The following MAST3 variants were observed in gnomAD, a reference collection of about 807,000 sequenced individuals.
The protein encoded by MAST3 is microtubule associated serine/threonine kinase 3.
MAST3 carries 43 observed loss-of-function variants against 127.0 expected under a neutral mutation model. The ratio of observed to expected loss-of-function variants is 0.34; its 90% CI spans 0.27 to 0.44. MAST3 has a LOEUF of 0.44. Among genes scored for constraint, MAST3 ranks in the 20% least tolerant of loss-of-function variants. The probability of loss-of-function intolerance (pLI) is 1.00; values close to 1 mark genes in which losing one functional copy is unlikely to be tolerated. For synonymous variants in MAST3, 785 were observed against 809.2 expected, an observed-to-expected ratio of 0.97 and a Z score of 0.51; for missense variants, 1,390 against 1,919.1, an observed-to-expected ratio of 0.72 and a Z score of 5.15.
At chr19:18,115,603 T>G (rs2039131618) in intron 3 of MAST3, among the ~76,000 whole-genome samples, 1 of 151,902 alleles carries the variant, frequency 6.6e-6, no homozygotes, top group East Asian at 1.9e-4. Flanking sequence ...TCTCTGGTGG[T>G]CTCAAAACCA....
intron 11 of MAST3, 73 bp downstream of exon 11, chr19:18,124,847 T>C (rs1359797079): frequency 3.3e-5 from 50 of 1,498,264 alleles, no homozygotes; most frequent in Non-Finnish European, 6.2e-6. Flanking sequence ...GGCTCACACC[T>C]TTAATACCAG....
chr19:18,103,785 G>T (rs191934213), intron 1 of MAST3, among the ~76,000 whole-genome samples: 7 of 152,254 alleles, frequency 4.6e-5, no homozygotes, highest in East Asian at 1.9e-4. Context: ...GTGCAGGAGT[G>T]GGGGAGCCAG....
chr19:18,123,820 C>A, intron 8 of MAST3, 119 bp from the exon 9 acceptor site: 1 of 1,087,178 alleles, frequency 9.2e-7, no homozygotes, highest in Non-Finnish European at 1.3e-6. Flanking sequence ...CCAGCCCTCC[C>A]ACCCGATCGC....
intron 3 of MAST3, among the ~76,000 whole-genome samples, chr19:18,116,617 T>C (rs2039290386): frequency 7.1e-6 from 1 of 141,744 alleles, no homozygotes; most frequent in Non-Finnish European, 1.5e-5. Context: ...CTCATTGAAT[T>C]GTTTCCTGTT....
At chr19:18,102,261 A>G (rs2146801475) in intron 1 of MAST3, among the ~76,000 whole-genome samples, 1 of 150,874 alleles carries the variant, frequency 6.6e-6, no homozygotes, top group East Asian at 2.0e-4. Flanking sequence ...GCTCACCGCA[A>G]CCTCTGCCCC....
chr19:18,127,603 C>T (rs1384626451), intron 11 of MAST3, among the ~76,000 whole-genome samples: 1 of 151,950 alleles, frequency 6.6e-6, no homozygotes, highest in Non-Finnish European at 1.5e-5. Context: ...AGAATCTCTT[C>T]AACTCAGGTG....
intron 11 of MAST3, 111 bp downstream of exon 11, chr19:18,124,885 C>G (rs943732396): frequency 7.4e-7 from 1 of 1,346,552 alleles, no homozygotes; most frequent in Non-Finnish European, 9.7e-7. Flanking sequence ...GCGGGCAGAT[C>G]ACTTGAGGCC....
intron 21 of MAST3, among the ~76,000 whole-genome samples, chr19:18,143,432 C>T (rs2042725235): frequency 6.6e-6 from 1 of 152,088 alleles, no homozygotes; most frequent in South Asian, 2.1e-4. Context: ...AAAAATTAGC[C>T]CAGTGTGGCG....
At chr19:18,147,137 TC>T in intron 26 of MAST3, 93 bp downstream of exon 26, 1 of 1,229,734 alleles carries the variant, frequency 8.1e-7, no homozygotes, top group Non-Finnish European at 1.1e-6. Flanking sequence ...AGAGTCTTGC[TC>T]TGTTGCCCAG....
chr19:18,126,752 T>G (rs1185774493), intron 11 of MAST3, among the ~76,000 whole-genome samples: 14 of 151,226 alleles, frequency 9.3e-5, no homozygotes, highest in East Asian at 2.0e-4. Context: ...CTGGGTGACA[T>G]AGCAAGACCC....
intron 1 of MAST3, among the ~76,000 whole-genome samples, chr19:18,106,520 A>G (rs999333730): frequency 6.6e-6 from 1 of 151,444 alleles, no homozygotes; most frequent in African/African-American, 2.4e-5. Context: ...TACAGGCATG[A>G]GCCACCGCAC....
intron 2 of MAST3, chr19:18,109,844 G>A (rs2038376425): frequency 1.4e-6 from 1 of 701,902 alleles, no homozygotes; most frequent in Admixed American, 6.3e-5. Flanking sequence ...GCGGGGTTGG[G>A]GAGTTGGGGC....
intron 15 of MAST3, among the ~76,000 whole-genome samples, chr19:18,132,982 A>G (rs2147435802): frequency 6.6e-6 from 1 of 152,268 alleles, no homozygotes; most frequent in South Asian, 2.1e-4. Context: ...GCGCACTTGT[A>G]GTCCCAGCTA....
At position 18,147,035 on chromosome 19, in the gene MAST3, CCAGGGAGCGGTACA is replaced by C. The variant is rs2043090114; in HGVS notation, c.3323_3326+10del. On this transcript the variant is annotated splice_donor_variant and splice_donor_5th_base_variant and coding_sequence_variant and intron_variant, in exon 26 of 28. Transcript: ENST00000687212. LOFTEE classifies it high-confidence loss of function. ...CAGGATCGGTGCGCGGCAGTGACCA[CCAGGGAGCGGTACA>C]CAGGGGGCGGGGCCACGGGGACTGG... The C allele has an allele frequency of 1.3e-6, 2 of 1,566,910 alleles. No individual in the cohort carries two copies. The highest frequency in any genetic ancestry group is 1.7e-6 in the Non-Finnish European group (2 of 1,155,938).
chr19:18,114,730 A>G, intron 3 of MAST3, among the ~76,000 whole-genome samples: 1 of 152,064 alleles, frequency 6.6e-6, no homozygotes. Flanking sequence ...GGTGTTGTTG[A>G]AGAAGGCCAT....
intron 18 of MAST3, 143 bp from the exon 19 acceptor site, chr19:18,137,096 A>G: frequency 1.1e-6 from 1 of 947,378 alleles, no homozygotes; most frequent in Non-Finnish European, 1.5e-6. Context: ...TGCTGGGATT[A>G]CAGGTGTGAG....
intron 3 of MAST3, among the ~76,000 whole-genome samples, chr19:18,115,130 G>A (rs1465827096): frequency 6.6e-6 from 1 of 152,148 alleles, no homozygotes; most frequent in Non-Finnish European, 1.5e-5. Context: ...GGGAGCCATG[G>A]AGGGTTTGTG....
intron 3 of MAST3, among the ~76,000 whole-genome samples, chr19:18,114,259 G>C (rs899464274): frequency 1.3e-5 from 2 of 149,806 alleles, no homozygotes; most frequent in Non-Finnish European, 3.0e-5. Flanking sequence ...GCGATATCTC[G>C]GCTCACTGCA....
At chr19:18,117,125 T>C (rs2039364657) in intron 3 of MAST3, among the ~76,000 whole-genome samples, 1 of 151,988 alleles carries the variant, frequency 6.6e-6, no homozygotes, top group South Asian at 2.1e-4. Flanking sequence ...TATTGTACCC[T>C]CAGCCCTGTT....
Sources: gnomAD v4.1 joint callset for allele counts (sites outside exome capture counted in the v4.1 genomes callset) on GRCh38, gnomAD v4.1.1 for gene constraint, MANE v1.5 for transcripts, NCBI Gene and HGNC (gene_info 2026-07-23, HGNC 2026-07-21) for gene names.